Variants in DCC observed in about 807,000 individuals in gnomAD.
DCC encodes the protein netrin receptor DCC.
In DCC, 58 loss-of-function variants were observed where a neutral mutation model predicts 172.5. The observed-to-expected ratio is 0.34, with a 90% CI of 0.27 to 0.42. The LOEUF is 0.42. Ranked by LOEUF, DCC falls within the 10% of genes least tolerant of loss-of-function variation. DCC has a pLI of 1.00. For synonymous variants in DCC, 709 were observed against 644.5 expected, an observed-to-expected ratio of 1.10 and a Z score of -1.52; for missense variants, 1,740 against 1,791.0, an observed-to-expected ratio of 0.97 and a Z score of 0.51.
At chr18:52,824,537 C>CA (rs748515950) in intron 2 of DCC, among the ~76,000 whole-genome samples, 72 of 149,702 alleles carry the variant, frequency 4.8e-4, no homozygotes, top group African/African-American at 1.1e-3. Flanking sequence ...TCATTAATTT[C>CA]AAAAAAAAAT....
At chr18:52,847,009 T>A (rs774564905) in intron 2 of DCC, among the ~76,000 whole-genome samples, 1 of 152,186 alleles carries the variant, frequency 6.6e-6, no homozygotes, top group Non-Finnish European at 1.5e-5. Context: ...TGTGGAGTCC[T>A]GACCTTACAG....
chr18:52,535,785 C>A (rs897841931), intron 1 of DCC, among the ~76,000 whole-genome samples: 6 of 152,144 alleles, frequency 3.9e-5, no homozygotes, highest in African/African-American at 1.4e-4. Flanking sequence ...ACATTCAACA[C>A]CCATTTGCTT....
chr18:53,397,380 A>T lies in DCC; in HGVS notation c.2761A>T (p.Met921Leu). ...KPNTMYEFSVMVTKNRRSSTW... is the reference protein window; with the variant it reads ...KPNTMYEFSVLVTKNRRSSTW... ...AAACACAATGTATGAATTCTCGGTCATGGTAACAAAAAACAGAAGGTCCAG... is the reference window on the plus strand; with the variant it reads ...AAACACAATGTATGAATTCTCGGTCTTGGTAACAAAAAACAGAAGGTCCAG... Residue 921 changes from methionine (M) to leucine (L), a missense_variant, in exon 18 of 29, where the codon ATG becomes TTG. By Grantham distance (15) the Met-to-Leu change is conservative (BLOSUM62 2). This residue lies in a region of DCC where 1,732 missense variants were observed against 1,767.4 expected (regional missense o/e 0.98). Transcript: ENST00000442544. The T allele has an allele frequency of 1.2e-6, 2 of 1,614,012 alleles. No individual in the cohort carries two copies. Among genetic ancestry groups the T allele is most frequent in the Non-Finnish European group, 1.7e-6 (2 of 1,179,940 alleles).
At chr18:52,404,370 C>T (rs992389662) in intron 1 of DCC, among the ~76,000 whole-genome samples, 5 of 150,994 alleles carry the variant, frequency 3.3e-5, no homozygotes, top group Admixed American at 6.6e-5. Context: ...TCTTAGATGG[C>T]GAGCATCTGA....
chr18:52,511,096 A>T (rs780710139), intron 1 of DCC, among the ~76,000 whole-genome samples: 1 of 152,110 alleles, frequency 6.6e-6, no homozygotes, highest in Non-Finnish European at 1.5e-5. Context: ...CCTGACTAAC[A>T]TGGTGAAACC....
At chr18:52,795,038 G>A (rs115116983) in intron 2 of DCC, among the ~76,000 whole-genome samples, 1,942 of 151,956 alleles carry the variant, frequency 0.013, 52 homozygotes, top group African/African-American at 0.044. Context: ...CTAATATTTT[G>A]TTAAGGTTTT....
intron 2 of DCC, among the ~76,000 whole-genome samples, chr18:52,768,427 C>T (rs1359274987): frequency 6.6e-6 from 1 of 152,148 alleles, no homozygotes; most frequent in Non-Finnish European, 1.5e-5. Context: ...GTCAGGGCTG[C>T]TGATTTTCAT....
At chr18:53,302,564 C>G (rs1387550236) in intron 12 of DCC, among the ~76,000 whole-genome samples, 1 of 151,098 alleles carries the variant, frequency 6.6e-6, no homozygotes, top group African/African-American at 2.4e-5. Flanking sequence ...ATTTTTTTTT[C>G]AGACTGCACT....
intron 27 of DCC, among the ~76,000 whole-genome samples, chr18:53,500,644 T>G (rs1244727735): frequency 6.6e-6 from 1 of 151,776 alleles, no homozygotes; most frequent in Non-Finnish European, 1.5e-5. Flanking sequence ...ACCTCTGATG[T>G]TCTCAACATT....
At chr18:52,341,240 G>T (rs933696440) in intron 1 of DCC, among the ~76,000 whole-genome samples, 3 of 152,196 alleles carry the variant, frequency 2.0e-5, no homozygotes, top group Admixed American at 2.0e-4. Flanking sequence ...CTACCAAGTG[G>T]GGAGGATTGG....
intron 12 of DCC, among the ~76,000 whole-genome samples, chr18:53,254,792 G>C (rs745559912): frequency 6.6e-6 from 1 of 152,078 alleles, no homozygotes; most frequent in Non-Finnish European, 1.5e-5. Context: ...ATGGAATCAT[G>C]CGTAGGTATA....
chr18:52,465,955 T>A (rs1307500071), intron 1 of DCC, among the ~76,000 whole-genome samples: 1 of 152,228 alleles, frequency 6.6e-6, no homozygotes, highest in Non-Finnish European at 1.5e-5. Flanking sequence ...GCTCATTTTA[T>A]AAATGATAAA....
intron 5 of DCC, among the ~76,000 whole-genome samples, chr18:52,989,549 G>A (rs755729462): frequency 1.3e-5 from 2 of 152,110 alleles, no homozygotes; most frequent in Non-Finnish European, 2.9e-5. Flanking sequence ...TTTCCTTGCT[G>A]TGATTTTGGT....
chr18:53,170,672 T>C (rs1227981699), intron 8 of DCC, among the ~76,000 whole-genome samples: 1 of 152,206 alleles, frequency 6.6e-6, no homozygotes, highest in Non-Finnish European at 1.5e-5. Context: ...TCAGGTGCCA[T>C]GTATTTTTCT....
chr18:53,210,611 C>T (rs534342322), intron 11 of DCC, among the ~76,000 whole-genome samples: 75 of 152,166 alleles, frequency 4.9e-4, no homozygotes, highest in African/African-American at 1.7e-3. Context: ...TAGGATTTCC[C>T]ATTTGTGGAA....
At chr18:52,576,728 G>A (rs977195868) in intron 1 of DCC, among the ~76,000 whole-genome samples, 16 of 151,716 alleles carry the variant, frequency 1.1e-4, no homozygotes, top group Non-Finnish European at 2.2e-4. Context: ...TACTTGGGAG[G>A]CTGAGGCAGG....
rs1489759193 is a variant in DCC, at chr18:53,000,164, G to T, written c.986-63141G>T. 2.0e-5 allele frequency among the ~76,000 whole-genome samples: 3 copies of T among 152,022 alleles called. No individual in the cohort carries two copies. In the East Asian group the frequency reaches 5.8e-4, roughly 29 times the overall value. ...GAAGTCTACTATTTTAAGCCACCCAGTTTGTGGTACTTTGCAATGGCAGTC... is the reference window on the plus strand; with the variant it reads ...GAAGTCTACTATTTTAAGCCACCCATTTTGTGGTACTTTGCAATGGCAGTC... On this transcript the variant is annotated intron_variant, in intron 5 of 28. Coordinates refer to ENST00000442544, the MANE Select transcript of DCC (RefSeq NM_005215.4).
chr18:52,972,796 T>A (rs1390121868), intron 5 of DCC, among the ~76,000 whole-genome samples: 1 of 152,204 alleles, frequency 6.6e-6, no homozygotes, highest in African/African-American at 2.4e-5. Flanking sequence ...GAAGACATAC[T>A]ATTTATTTGG....
chr18:52,347,039 T>C (rs2144233343), intron 1 of DCC, among the ~76,000 whole-genome samples: 1 of 152,298 alleles, frequency 6.6e-6, no homozygotes, highest in African/African-American at 2.4e-5. Context: ...ATATTGGTTC[T>C]TGCCTGAAGG....
Sources: gnomAD v4.1 joint callset for allele counts (sites outside exome capture counted in the v4.1 genomes callset) on GRCh38, gnomAD v4.1.1 for gene constraint, gnomAD v4.1.1 regional missense constraint, MANE v1.5 for transcripts, NCBI Gene and HGNC (gene_info 2026-07-23, HGNC 2026-07-21) for gene names.